Variants in KIF16B observed in about 807,000 individuals in gnomAD.
KIF16B encodes kinesin family member 16B, also known as kinesin-like protein KIF16B.
A neutral mutation model predicts 156.3 loss-of-function variants in KIF16B; 98 were observed. The observed-to-expected ratio is 0.63, with a 90% CI of 0.53 to 0.74. The LOEUF is 0.74. KIF16B is among the 30% of genes least tolerant of loss of function. The pLI is 0.00. For missense variants in KIF16B, 1,421 were observed against 1,606.5 expected (o/e 0.88, Z 1.97); for synonymous variants, 564 against 583.7 (o/e 0.97, Z 0.49).
intron 12 of KIF16B, among the ~76,000 whole-genome samples, chr20:16,445,893 C>G (rs2066918292): frequency 6.6e-6 from 1 of 151,984 alleles, no homozygotes; most frequent in Admixed American, 6.5e-5. Context: ...CTCTTTTTTT[C>G]TACTTTATTA....
intron 20 of KIF16B, 121 bp downstream of exon 20, chr20:16,374,136 G>C: frequency 1.0e-6 from 1 of 959,660 alleles, no homozygotes; most frequent in Non-Finnish European, 1.5e-6. Flanking sequence ...CACATCTCAA[G>C]CACGTGTATT....
chr20:16,454,305 C>T (rs1189997134), intron 12 of KIF16B, among the ~76,000 whole-genome samples: 1 of 150,644 alleles, frequency 6.6e-6, no homozygotes, highest in Non-Finnish European at 1.5e-5. Flanking sequence ...ATTAAAATGG[C>T]TCCTACTATA....
chr20:16,402,410 G>A (rs1012770271), intron 17 of KIF16B, among the ~76,000 whole-genome samples: 1 of 152,176 alleles, frequency 6.6e-6, no homozygotes, highest in Non-Finnish European at 1.5e-5. Flanking sequence ...ATCCTGACTG[G>A]TTCATAGGAG....
chr20:16,562,427 G>A (rs11907051), intron 1 of KIF16B, among the ~76,000 whole-genome samples: 1,837 of 152,068 alleles, frequency 0.012, 37 homozygotes, highest in African/African-American at 0.041. Flanking sequence ...CACCCCTCAC[G>A]TCTTCCTAAT....
At chr20:16,349,490 C>T (rs898284485) in intron 23 of KIF16B, among the ~76,000 whole-genome samples, 5 of 152,244 alleles carry the variant, frequency 3.3e-5, no homozygotes, top group African/African-American at 9.6e-5. Flanking sequence ...CGAGTGCTGC[C>T]TTGCAGGAAT....
intron 15 of KIF16B, 145 bp from the exon 16 acceptor site, chr20:16,406,601 T>C (rs1185236814): frequency 1.4e-6 from 1 of 728,976 alleles, no homozygotes; most frequent in Admixed American, 2.7e-5. Flanking sequence ...AAAGTCTGCT[T>C]ACTTAAGACA....
intron 20 of KIF16B, 138 bp from the exon 21 acceptor site, chr20:16,371,899 C>T (rs1489165704): frequency 3.3e-6 from 2 of 606,430 alleles, no homozygotes; most frequent in East Asian, 5.5e-5. Flanking sequence ...TTGAGAACTT[C>T]AACATTTTTA....
intron 1 of KIF16B, among the ~76,000 whole-genome samples, chr20:16,538,501 A>G (rs2070064892): frequency 6.6e-6 from 1 of 152,196 alleles, no homozygotes; most frequent in African/African-American, 2.4e-5. Flanking sequence ...CTTCATATAG[A>G]TAAGTAATTT....
At chr20:16,395,434 A>G (rs1303673474) in intron 17 of KIF16B, among the ~76,000 whole-genome samples, 2 of 151,560 alleles carry the variant, frequency 1.3e-5, no homozygotes, top group Admixed American at 6.6e-5. Context: ...ACAGGGAGGA[A>G]AACAAAACTA....
Position 16,567,809 on chromosome 20 carries a change from G to A in KIF16B, c.47+5420C>T, listed in dbSNP as rs554329359. Among the ~76,000 whole-genome samples, 19 of 152,196 alleles carry A rather than the reference G, an allele frequency of 1.2e-4. No individual in the cohort carries two copies. The South Asian group carries it at 2.5e-3, about 20-fold the overall frequency. On this transcript the variant is annotated intron_variant, in intron 1 of 25. Coordinates refer to ENST00000354981, the MANE Select transcript of KIF16B (RefSeq NM_024704.5). Reference sequence around the variant, plus strand: ...ACTAAAAATACAAACAAAATTAGCCGGGCGTGGTGGCGGGCGCCTGTAGTC... The same window carrying A: ...ACTAAAAATACAAACAAAATTAGCCAGGCGTGGTGGCGGGCGCCTGTAGTC...
At chr20:16,507,913 A>G in intron 7 of KIF16B, 45 bp downstream of exon 7, 1 of 1,609,652 alleles carries the variant, frequency 6.2e-7, no homozygotes, top group Non-Finnish European at 8.5e-7. Flanking sequence ...ATCAGCAAGT[A>G]AAGACCTCAG....
intron 1 of KIF16B, among the ~76,000 whole-genome samples, chr20:16,569,372 G>A (rs2071377306): frequency 6.6e-6 from 1 of 152,230 alleles, no homozygotes; most frequent in Non-Finnish European, 1.5e-5. Context: ...GGACCAGAGA[G>A]TCTGGCACAG....
chr20:16,528,236 C>T (rs1024540164), intron 2 of KIF16B, 135 bp downstream of exon 2: 1 of 649,276 alleles, frequency 1.5e-6, no homozygotes, highest in African/African-American at 1.8e-5. Flanking sequence ...AAGCCAGGTG[C>T]AAGCTGACGT....
chr20:16,328,534 G>T (rs2063895032), intron 24 of KIF16B, among the ~76,000 whole-genome samples: 1 of 152,150 alleles, frequency 6.6e-6, no homozygotes, highest in Non-Finnish European at 1.5e-5. Context: ...ACTGGCTTCA[G>T]AATCATTTAG....
At chr20:16,557,077 T>C (rs767465530) in intron 1 of KIF16B, among the ~76,000 whole-genome samples, 1 of 149,960 alleles carries the variant, frequency 6.7e-6, no homozygotes, top group African/African-American at 2.4e-5. Flanking sequence ...ATGTAAAATA[T>C]CTCATTAATA....
intron 10 of KIF16B, among the ~76,000 whole-genome samples, chr20:16,503,397 C>T (rs1435273222): frequency 1.3e-5 from 2 of 152,104 alleles, no homozygotes; most frequent in Non-Finnish European, 1.5e-5. Context: ...AACTGCTGTC[C>T]ACCATCTTGT....
intron 15 of KIF16B, among the ~76,000 whole-genome samples, chr20:16,409,088 G>C (rs2065857392): frequency 6.6e-6 from 1 of 152,054 alleles, no homozygotes. Flanking sequence ...TAAATGCAAA[G>C]CTGCAGCTGA....
chr20:16,459,703 C>T (rs1292364191), intron 12 of KIF16B, among the ~76,000 whole-genome samples: 1 of 152,218 alleles, frequency 6.6e-6, no homozygotes, highest in Non-Finnish European at 1.5e-5. Flanking sequence ...CTTGGGCCTG[C>T]TCCTCAGAGC....
chr20:16,275,350 C>T (rs147300894), intron 25 of KIF16B, among the ~76,000 whole-genome samples: 141 of 152,276 alleles, frequency 9.3e-4, no homozygotes, highest in Middle Eastern at 6.8e-3. Context: ...GCCACTGCGC[C>T]CGGCCAGATA....
Sources: gnomAD v4.1 joint callset for allele counts (sites outside exome capture counted in the v4.1 genomes callset) on GRCh38, gnomAD v4.1.1 for gene constraint, MANE v1.5 for transcripts, NCBI Gene and HGNC (gene_info 2026-07-23, HGNC 2026-07-21) for gene names.